The following UNC50 variants were observed in gnomAD, a reference collection of about 807,000 sequenced individuals.
UNC50 encodes protein unc-50 homolog.
Under a neutral mutation model 31.5 loss-of-function variants are expected in UNC50, and 24 were observed. The ratio of observed to expected loss-of-function variants is 0.76; its 90% CI spans 0.55 to 1.07. UNC50 has a LOEUF of 1.07. UNC50 is among the 50% of genes least tolerant of loss of function. UNC50 has a pLI of 0.00. For synonymous variants in UNC50, 118 were observed against 114.7 expected (o/e 1.03, Z -0.18); for missense variants, 245 against 304.2 (o/e 0.81, Z 1.45).
intron 3 of UNC50, among the ~76,000 whole-genome samples, chr2:98,611,424 T>C (rs1700826927): frequency 6.6e-6 from 1 of 152,244 alleles, no homozygotes; most frequent in African/African-American, 2.4e-5. Flanking sequence ...AATTTACTTG[T>C]GAGAGGCAGG....
At position 98,609,776 on chromosome 2, in the gene UNC50, C is replaced by A; in HGVS notation, c.17C>A (p.Ser6Ter). 6.2e-7 allele frequency: 1 copy of A among 1,614,236 alleles called. No individual in the cohort carries two copies. The highest frequency in any genetic ancestry group is 8.5e-7 in the Non-Finnish European group (1 of 1,180,040). ...TCTAGGAAGATGTTACCGAGTACTT[C>A]AGTGAATTCCTTAGTGCAGGGGAAC... MLPST[S>*]VNSLVQGNGV... Residue 6 changes from serine (S) to a stop codon, truncating the protein, a stop_gained, in exon 2 of 6, where the codon TCA becomes TAA. Coordinates refer to ENST00000357765, the MANE Select transcript of UNC50 (RefSeq NM_014044.7). LOFTEE classifies it high-confidence loss of function.
At chr2:98,612,289 A>G (rs1370495318) in intron 3 of UNC50, among the ~76,000 whole-genome samples, 1 of 152,108 alleles carries the variant, frequency 6.6e-6, no homozygotes, top group Non-Finnish European at 1.5e-5. Context: ...TTAATTACCT[A>G]TTCTGTCCAA....
Position 98,618,202 on chromosome 2 carries a change from G to C in UNC50, c.678G>C (p.Leu226=), listed in dbSNP as rs752976155. ...TTTTGAAAAATACAGTAATTCTTCT[G>C]TATCCATTTGCACCTCTGATTCTGC... ...LPFLKNTVIL[L]YPFAPLILLY... Residue 226 remains leucine, a synonymous_variant, in exon 6 of 6, where the codon CTG becomes CTC. Transcript: ENST00000357765. The C allele has an allele frequency of 8.1e-6, 13 of 1,596,136 alleles. No homozygotes were observed. The Admixed American group carries it at 2.2e-4, about 28-fold the overall frequency.
intron 5 of UNC50, 44 bp downstream of exon 5, chr2:98,616,577 AGG>A (rs1559149377): frequency 6.6e-7 from 1 of 1,512,884 alleles, no homozygotes; most frequent in Non-Finnish European, 9.2e-7. Context: ...ACATAGCAAG[AGG>A]GGGAAAGTTG....
rs966854921 is a variant in UNC50 at position 98,616,327 on chromosome 2, C to G, written c.522C>G (p.Ile174Met). 6.2e-7 allele frequency: 1 copy of G among 1,613,946 alleles called. No individual in the cohort carries two copies. Among genetic ancestry groups the G allele is most frequent in the Admixed American group, 1.7e-5 (1 of 60,002 alleles). The change falls in exon 4 of 6, where the codon ATC becomes ATG. Residue 174 changes from isoleucine (I) to methionine (M), a missense_variant. Coordinates refer to ENST00000357765, the MANE Select transcript of UNC50 (RefSeq NM_014044.7). ...CACTCCTGGTCATTTTGCATTTTATCCAGCTTTTTTTCATCAACCGTAAGT... is the reference window on the plus strand; with the variant it reads ...CACTCCTGGTCATTTTGCATTTTATGCAGCTTTTTTTCATCAACCGTAAGT... ...FYPLLVILHF[I>M]QLFFINHVIL...
intron 3 of UNC50, among the ~76,000 whole-genome samples, chr2:98,613,128 T>C (rs923548149): frequency 1.3e-5 from 2 of 152,252 alleles, no homozygotes; most frequent in African/African-American, 4.8e-5. Flanking sequence ...GCAGAGCTTT[T>C]GTATGTGCTA....
At chr2:98,617,482 T>TAAG (rs1179461247) in intron 5 of UNC50, among the ~76,000 whole-genome samples, 1 of 152,218 alleles carries the variant, frequency 6.6e-6, no homozygotes, top group African/African-American at 2.4e-5. Flanking sequence ...GTGGTTTCTC[T>TAAG]AAGTGGTTAT....
intron 5 of UNC50, among the ~76,000 whole-genome samples, chr2:98,617,288 CTA>C (rs1368430740): frequency 3.3e-5 from 5 of 152,180 alleles, no homozygotes; most frequent in Non-Finnish European, 5.9e-5. Flanking sequence ...ATGGCTCTGA[CTA>C]TGCCTGGCTC....
chr2:98,610,637 A>C, intron 2 of UNC50, 138 bp from the exon 3 acceptor site: 1 of 1,049,512 alleles, frequency 9.5e-7, no homozygotes, highest in Non-Finnish European at 1.4e-6. Context: ...GTCCCAAGGT[A>C]GTGTTCACAC....
chr2:98,615,910 A>G (rs548383358), intron 3 of UNC50, among the ~76,000 whole-genome samples: 2 of 152,280 alleles, frequency 1.3e-5, no homozygotes, highest in African/African-American at 4.8e-5. Flanking sequence ...CAGGCCTGCC[A>G]GGCACCATCA....
In UNC50 at chr2:98,609,789, A is replaced by G; in HGVS notation, c.30A>G (p.Leu10=). 6.2e-7 allele frequency: 1 copy of G among 1,614,254 alleles called. No individual in the cohort carries two copies. Among genetic ancestry groups the G allele is most frequent in the Admixed American group, 1.7e-5 (1 of 60,028 alleles). The stretch of plus-strand genomic sequence containing the variant: ...TACCGAGTACTTCAGTGAATTCCTT[A>G]GTGCAGGGGAACGGAGTCTTGAATT... The part of the protein sequence containing the change: MLPSTSVNS[L]VQGNGVLNSR... Residue 10 remains leucine (L), a synonymous_variant, in exon 2 of 6, where the codon TTA becomes TTG. Transcript: ENST00000357765.
At chr2:98,616,923 G>T (rs917197443) in intron 5 of UNC50, among the ~76,000 whole-genome samples, 1 of 152,190 alleles carries the variant, frequency 6.6e-6, no homozygotes, top group African/African-American at 2.4e-5. Context: ...AGCGAAGAAA[G>T]GTGGGGCCCA....
At chr2:98,608,808 C>T in intron 1 of UNC50, 82 bp downstream of exon 1, 1 of 284,116 alleles carries the variant, frequency 3.5e-6, no homozygotes, top group Non-Finnish European at 6.8e-6. Context: ...TGCGGCCTGA[C>T]GTCGCTGCGG....
chr2:98,617,021 CCGT>C (rs1700934639), intron 5 of UNC50, among the ~76,000 whole-genome samples: 1 of 152,130 alleles, frequency 6.6e-6, no homozygotes, highest in South Asian at 2.1e-4. Context: ...TTCATGATTA[CCGT>C]ATGGTTCTGT....
Position 98,618,315 on chromosome 2 carries a change from G to A in UNC50, c.*11G>A. Reference sequence around the variant, plus strand: ...TACAGAGTGAAATAAAAAGTGAGAAGAAGATTCAATCGTAACTGTGTCAAC... The same window carrying A: ...TACAGAGTGAAATAAAAAGTGAGAAAAAGATTCAATCGTAACTGTGTCAAC... On this transcript the variant is annotated 3_prime_UTR_variant, in exon 6 of 6. Coordinates refer to ENST00000357765, the MANE Select transcript of UNC50 (RefSeq NM_014044.7). 1 of 1,587,524 alleles carries A rather than the reference G, an allele frequency of 6.3e-7. No homozygotes were observed. The highest frequency in any genetic ancestry group is 8.5e-7 in the Non-Finnish European group (1 of 1,172,308).
intron 5 of UNC50, 103 bp downstream of exon 5, chr2:98,616,636 A>G: frequency 1.2e-6 from 1 of 817,244 alleles, no homozygotes; most frequent in Non-Finnish European, 2.0e-6. Flanking sequence ...TACAGGCACT[A>G]TCCTAAGTAT....
intron 3 of UNC50, 62 bp from the exon 4 acceptor site, chr2:98,616,145 G>C: frequency 6.5e-7 from 1 of 1,526,806 alleles, no homozygotes; most frequent in Non-Finnish European, 8.9e-7. Flanking sequence ...CGCATAGAAA[G>C]TCGTCAGTAA....
At chr2:98,612,060 C>G (rs1049523015) in intron 3 of UNC50, among the ~76,000 whole-genome samples, 34 of 141,454 alleles carry the variant, frequency 2.4e-4, no homozygotes, top group Middle Eastern at 7.2e-3. Context: ...CAGCAGTGTA[C>G]TGAGGATAAA....
rs781665645 is a variant in UNC50 at position 98,609,786 on chromosome 2, C to T, written c.27C>T (p.Ser9=). 8.7e-6 allele frequency: 14 copies of T among 1,614,020 alleles called. No individual in the cohort carries two copies. In the East Asian group the frequency reaches 8.9e-5, roughly 10 times the overall value. Residue 9 remains serine (S), a synonymous_variant, in exon 2 of 6, where the codon TCC becomes TCT. Coordinates refer to ENST00000357765, the MANE Select transcript of UNC50 (RefSeq NM_014044.7). ...TGTTACCGAGTACTTCAGTGAATTC[C>T]TTAGTGCAGGGGAACGGAGTCTTGA... MLPSTSVN[S]LVQGNGVLNS...
Sources: gnomAD v4.1 joint callset for allele counts (sites outside exome capture counted in the v4.1 genomes callset) on GRCh38, gnomAD v4.1.1 for gene constraint, MANE v1.5 for transcripts, NCBI Gene and HGNC (gene_info 2026-07-23, HGNC 2026-07-21) for gene names.